The following DLG2 variants were observed in gnomAD, a reference collection of about 807,000 sequenced individuals.
DLG2 encodes disks large homolog 2.
A neutral mutation model predicts 132.5 loss-of-function variants in DLG2; 45 were observed. That is an observed-to-expected ratio of 0.34 (90% CI 0.27 to 0.44). The LOEUF (loss-of-function observed/expected upper bound fraction) is 0.44. Among genes scored for constraint, DLG2 ranks in the 20% least tolerant of loss-of-function variants. The probability of loss-of-function intolerance (pLI) is 1.00; values close to 1 mark genes in which losing one functional copy is unlikely to be tolerated. For missense variants in DLG2, 1,045 were observed against 1,196.9 expected (o/e 0.87, Z 1.87); for synonymous variants, 424 against 419.6 (o/e 1.01, Z -0.13).
At chr11:84,720,182 C>A (rs1314667657) in intron 6 of DLG2, 6 of 825,040 alleles carry the variant, frequency 7.3e-6, no homozygotes, top group Non-Finnish European at 8.8e-6. Flanking sequence ...AAGAGCAGAG[C>A]AGTCGCAGCT....
At chr11:85,351,068 G>A (rs7947093) in intron 3 of DLG2, among the ~76,000 whole-genome samples, 2,178 of 152,206 alleles carry the variant, frequency 0.014, 51 homozygotes, top group African/African-American at 0.05. Flanking sequence ...ATTTGTTTGT[G>A]TCCTCTTTTA....
intron 19 of DLG2, among the ~76,000 whole-genome samples, chr11:83,599,440 G>A (rs758023324): frequency 5.7e-4 from 86 of 152,090 alleles, no homozygotes; most frequent in African/African-American, 1.9e-3. Context: ...ACTATCTATC[G>A]CCTCCCTCCC....
intron 17 of DLG2, among the ~76,000 whole-genome samples, chr11:83,812,151 C>A (rs371087219): frequency 6.6e-6 from 1 of 152,112 alleles, no homozygotes; most frequent in African/African-American, 2.4e-5. Context: ...GCCACCCTTG[C>A]CTTGGGAAGC....
intron 9 of DLG2, among the ~76,000 whole-genome samples, chr11:84,161,934 G>A (rs1356126370): frequency 6.6e-6 from 1 of 151,990 alleles, no homozygotes; most frequent in Non-Finnish European, 1.5e-5. Context: ...AGTCCATAAT[G>A]GAAGTTTTAA....
intron 4 of DLG2, among the ~76,000 whole-genome samples, chr11:85,206,322 T>C (rs1914374): frequency 0.79 from 120,179 of 152,018 alleles, 48,306 homozygotes; most frequent in Non-Finnish European, 0.88. Flanking sequence ...TATTTCTTTA[T>C]AGAAATGCAA....
chr11:84,236,058 A>T (rs1598084559), intron 8 of DLG2, among the ~76,000 whole-genome samples: 1 of 151,792 alleles, frequency 6.6e-6, no homozygotes, highest in East Asian at 1.9e-4. Context: ...TTAAAAAAAA[A>T]AAAAAACAAC....
intron 6 of DLG2, among the ~76,000 whole-genome samples, chr11:84,984,650 C>G (rs531398559): frequency 6.6e-6 from 1 of 151,166 alleles, no homozygotes; most frequent in African/African-American, 2.4e-5. Flanking sequence ...CATCTTAATA[C>G]TAACATTGAA....
chr11:84,580,826 G>A (rs142692638), intron 6 of DLG2, among the ~76,000 whole-genome samples: 16 of 152,272 alleles, frequency 1.1e-4, no homozygotes, highest in South Asian at 2.1e-4. Context: ...GGGGTCAGAC[G>A]CTTCTTTTAT....
intron 3 of DLG2, among the ~76,000 whole-genome samples, chr11:85,395,536 C>T (rs1053560321): frequency 3.3e-5 from 5 of 152,156 alleles, no homozygotes; most frequent in African/African-American, 4.8e-5. Context: ...CCTAGAGAAA[C>T]GGTACACTCT....
intron 6 of DLG2, among the ~76,000 whole-genome samples, chr11:85,011,039 C>G (rs2059111043): frequency 1.3e-5 from 2 of 152,158 alleles, no homozygotes; most frequent in African/African-American, 4.8e-5. Context: ...CATTTGAAGA[C>G]TGTTTATTTT....
intron 7 of DLG2, among the ~76,000 whole-genome samples, chr11:84,420,627 G>T (rs1001408322): frequency 2.2e-5 from 3 of 136,450 alleles, no homozygotes; most frequent in Non-Finnish European, 3.1e-5. Context: ...CACTGCCTCA[G>T]CACAGTGACC....
intron 10 of DLG2, among the ~76,000 whole-genome samples, chr11:84,067,323 G>T (rs2096690680): frequency 6.6e-6 from 1 of 152,042 alleles, no homozygotes; most frequent in Non-Finnish European, 1.5e-5. Context: ...AACAGAGCGA[G>T]ACACCATCTC....
intron 7 of DLG2, among the ~76,000 whole-genome samples, chr11:84,268,053 T>G (rs987671350): frequency 6.6e-6 from 1 of 152,206 alleles, no homozygotes; most frequent in African/African-American, 2.4e-5. Flanking sequence ...GCTCAAAGTG[T>G]TAGATCACAA....
In DLG2 at chr11:84,300,405, A is replaced by G. The variant is rs1567219234; in HGVS notation, c.520-49114T>C. Among the ~76,000 whole-genome samples the G allele has an allele frequency of 2.0e-5, 3 of 152,324 alleles. No individual in the cohort carries two copies. The East Asian group carries it at 5.8e-4, about 29-fold the overall frequency. On this transcript the variant is annotated intron_variant, in intron 7 of 27. Coordinates refer to ENST00000376104, the MANE Select transcript of DLG2 (RefSeq NM_001142699.3). ...CTTTTCCTTCCAGAGAACAGACACAAGGAAAGGGGTTTCAGTGACAAGAAA... is the reference window on the plus strand; with the variant it reads ...CTTTTCCTTCCAGAGAACAGACACAGGGAAAGGGGTTTCAGTGACAAGAAA...
In DLG2 at chr11:84,065,507, C is replaced by T. The variant is rs1003663859; in HGVS notation, c.750-6023G>A. The stretch of plus-strand genomic sequence containing the variant: ...TCATTAGAGAAATGCAAATCAAAAC[C>T]ACAATGGGGTAACATCTCACACCAA... On this transcript the variant is annotated intron_variant, in intron 10 of 27. Coordinates refer to ENST00000376104, the MANE Select transcript of DLG2 (RefSeq NM_001142699.3). Among the ~76,000 whole-genome samples, 5 of 152,080 alleles carry T rather than the reference C, an allele frequency of 3.3e-5. No homozygotes were observed. The East Asian group carries it at 5.8e-4, about 18-fold the overall frequency.
At chr11:83,764,567 T>C (rs1353636033) in intron 18 of DLG2, among the ~76,000 whole-genome samples, 2 of 152,164 alleles carry the variant, frequency 1.3e-5, no homozygotes, top group East Asian at 1.9e-4. Flanking sequence ...TTTATTATCA[T>C]TGAGTCACTA....
Position 84,690,569 on chromosome 11 carries a change from A to G in DLG2, c.358-155838T>C, listed in dbSNP as rs914060240. Among the ~76,000 whole-genome samples, 8 of 152,100 alleles carry G rather than the reference A, an allele frequency of 5.3e-5. No individual in the cohort carries two copies. In the East Asian group the frequency reaches 1.5e-3, roughly 29 times the overall value. On this transcript the variant is annotated intron_variant, in intron 6 of 27. Coordinates refer to ENST00000376104, the MANE Select transcript of DLG2 (RefSeq NM_001142699.3). ...ATTAAAAAATTTTAATTCCTTTTAAAGAAAAGAATTTTCCCCAAGATATAT... is the reference window on the plus strand; with the variant it reads ...ATTAAAAAATTTTAATTCCTTTTAAGGAAAAGAATTTTCCCCAAGATATAT...
chr11:85,150,010 A>ATTTTTTTTTTTTTTTTTTT (rs962380618), intron 5 of DLG2, among the ~76,000 whole-genome samples: 13 of 112,304 alleles, frequency 1.2e-4, no homozygotes, highest in East Asian at 8.1e-4. Flanking sequence ...TCAGTTTTTA[A>ATTTTTTTTTTTTTTTTTTT]TTTTTTTTTT....
chr11:84,922,090 A>C (rs1044915047), intron 6 of DLG2, among the ~76,000 whole-genome samples: 1 of 152,082 alleles, frequency 6.6e-6, no homozygotes, highest in African/African-American at 2.4e-5. Context: ...AAAACTTGCA[A>C]ACACAGAAAA....
Sources: gnomAD v4.1 joint callset for allele counts (sites outside exome capture counted in the v4.1 genomes callset) on GRCh38, gnomAD v4.1.1 for gene constraint, MANE v1.5 for transcripts, NCBI Gene and HGNC (gene_info 2026-07-23, HGNC 2026-07-21) for gene names.